Variants in KHDRBS2 observed in about 807,000 individuals in gnomAD.
KHDRBS2 encodes KH RNA binding domain containing, signal transduction associated 2.
KHDRBS2 carries 26 observed loss-of-function variants against 44.3 expected under a neutral mutation model. That is an observed-to-expected ratio of 0.59 (90% CI 0.43 to 0.81). The LOEUF (loss-of-function observed/expected upper bound fraction) is 0.81. Ranked by LOEUF, KHDRBS2 falls within the 40% of genes least tolerant of loss-of-function variation. KHDRBS2 has a pLI of 0.00. For synonymous variants in KHDRBS2, 194 were observed against 151.1 expected (o/e 1.28, Z -2.08); for missense variants, 476 against 433.1 (o/e 1.10, Z -0.88).
At chr6:61,704,290 C>A (rs536008916) in intron 7 of KHDRBS2, among the ~76,000 whole-genome samples, 1 of 151,760 alleles carries the variant, frequency 6.6e-6, no homozygotes, top group Admixed American at 6.6e-5. Flanking sequence ...AAAGGCTTCA[C>A]GGAAATTACA....
the KHDRBS2 span, among the ~76,000 whole-genome samples, chr6:61,646,210 A>G: frequency 6.6e-6 from 1 of 152,160 alleles, no homozygotes; most frequent in Non-Finnish European, 1.5e-5. Flanking sequence ...CATAATGGCA[A>G]TCTTTCTTTC....
At chr6:61,602,216 G>A in the KHDRBS2 span, among the ~76,000 whole-genome samples, 3 of 152,236 alleles carry the variant, frequency 2.0e-5, no homozygotes, top group Non-Finnish European at 2.9e-5. Context: ...CAGTAATAGA[G>A]TAGAGGCACC....
intron 6 of KHDRBS2, among the ~76,000 whole-genome samples, chr6:61,750,521 T>C (rs1311764857): frequency 3.3e-5 from 5 of 152,168 alleles, no homozygotes; most frequent in African/African-American, 7.2e-5. Context: ...TGGATTCTTA[T>C]GTACCAGCAC....
intron 3 of KHDRBS2, among the ~76,000 whole-genome samples, chr6:62,006,892 C>A (rs1309408331): frequency 6.6e-6 from 1 of 151,732 alleles, no homozygotes; most frequent in Non-Finnish European, 1.5e-5. Flanking sequence ...AAATATAAGG[C>A]AGGAGTTATT....
intron 7 of KHDRBS2, among the ~76,000 whole-genome samples, chr6:61,698,847 G>T (rs754671208): frequency 3.3e-5 from 5 of 151,876 alleles, no homozygotes; most frequent in Non-Finnish European, 5.9e-5. Context: ...TTCTCTAAAT[G>T]TCCAATTGTC....
intron 2 of KHDRBS2, among the ~76,000 whole-genome samples, chr6:62,168,014 A>T (rs1819066148): frequency 6.6e-6 from 1 of 152,172 alleles, no homozygotes; most frequent in Admixed American, 6.6e-5. Context: ...GGAAAGTTGC[A>T]ACCGAGGATG....
intron 5 of KHDRBS2, among the ~76,000 whole-genome samples, chr6:61,897,701 C>A (rs903327541): frequency 1.4e-5 from 2 of 140,858 alleles, no homozygotes; most frequent in African/African-American, 2.8e-5. Context: ...AAGACGGTTT[C>A]TCTGTCTCTG....
intron 1 of KHDRBS2, among the ~76,000 whole-genome samples, chr6:62,188,056 T>C (rs1303217298): frequency 6.6e-6 from 1 of 151,868 alleles, no homozygotes; most frequent in Non-Finnish European, 1.5e-5. Context: ...ACCAGGCTGC[T>C]TTAAACAACC....
intron 2 of KHDRBS2, among the ~76,000 whole-genome samples, chr6:62,105,372 T>C (rs1414891269): frequency 6.6e-6 from 1 of 152,204 alleles, no homozygotes; most frequent in East Asian, 1.9e-4. Flanking sequence ...AAATTTTAGT[T>C]AATAGGAACC....
chr6:61,608,605 C>A, the KHDRBS2 span, among the ~76,000 whole-genome samples: 1 of 147,762 alleles, frequency 6.8e-6, no homozygotes, highest in African/African-American at 2.5e-5. Flanking sequence ...CACCCCCCAA[C>A]AGGCCCCAGT....
At chr6:61,628,244 A>T in the KHDRBS2 span, among the ~76,000 whole-genome samples, 2 of 58,848 alleles carry the variant, frequency 3.4e-5, no homozygotes, top group African/African-American at 7.7e-5. Context: ...TTTTTTTTCA[A>T]CCTGGGCTGT....
chr6:62,248,637 C>A (rs1300546997), intron 1 of KHDRBS2, among the ~76,000 whole-genome samples: 2 of 152,032 alleles, frequency 1.3e-5, no homozygotes, highest in Non-Finnish European at 2.9e-5. Context: ...GGATTACAGT[C>A]ATGAGTCACC....
chr6:61,902,515 A>ACG (rs1562405897), intron 4 of KHDRBS2, among the ~76,000 whole-genome samples: 1 of 151,880 alleles, frequency 6.6e-6, no homozygotes, highest in Non-Finnish European at 1.5e-5. Context: ...CAACACACAC[A>ACG]CACACACACA....
intron 6 of KHDRBS2, among the ~76,000 whole-genome samples, chr6:61,742,196 T>C (rs1235374345): frequency 6.6e-6 from 1 of 151,990 alleles, no homozygotes; most frequent in Non-Finnish European, 1.5e-5. Flanking sequence ...ACAGGTCAGA[T>C]AGGAACTTAA....
Position 61,901,330 on chromosome 6 carries a change from T to A in KHDRBS2, c.525A>T (p.Leu175Phe), listed in dbSNP as rs1452740737. The part of the protein sequence containing the change: ...DEIRQEQLRE[L>F]SYLNGSEDSG... ...AGTCCTCTGAGCCATTTAAGTAAGA[T>A]AATTCACGTAGTTGTTCCTGACGAA... The change falls in exon 5 of 9, where the codon TTA (leucine) becomes TTT (phenylalanine). Residue 175 changes from leucine to phenylalanine, a missense_variant. By Grantham distance (22) the Leu-to-Phe change is conservative. Coordinates refer to ENST00000281156, the MANE Select transcript of KHDRBS2 (RefSeq NM_152688.4). 6.2e-7 allele frequency: 1 copy of A among 1,613,130 alleles called. No homozygotes were observed.
At chr6:61,781,258 C>T (rs1349353520) in intron 6 of KHDRBS2, among the ~76,000 whole-genome samples, 1 of 152,068 alleles carries the variant, frequency 6.6e-6, no homozygotes, top group Admixed American at 6.6e-5. Flanking sequence ...TAACTCTCAA[C>T]TCCATATTTA....
At chr6:61,647,595 G>A in the KHDRBS2 span, among the ~76,000 whole-genome samples, 1 of 152,020 alleles carries the variant, frequency 6.6e-6, no homozygotes, top group Non-Finnish European at 1.5e-5. Flanking sequence ...GAAATCAGGC[G>A]CTTCTCATAA....
chr6:62,216,156 G>A (rs1433041226), intron 1 of KHDRBS2, among the ~76,000 whole-genome samples: 1 of 151,534 alleles, frequency 6.6e-6, no homozygotes, highest in Non-Finnish European at 1.5e-5. Flanking sequence ...TAAAAATTTT[G>A]ATTTGACTCC....
chr6:62,139,348 C>T (rs1265441654), intron 2 of KHDRBS2, among the ~76,000 whole-genome samples: 2 of 151,936 alleles, frequency 1.3e-5, no homozygotes, highest in East Asian at 1.9e-4. Flanking sequence ...GTCAGGAGAT[C>T]GAGACCATCC....
Sources: gnomAD v4.1 joint callset for allele counts (sites outside exome capture counted in the v4.1 genomes callset) on GRCh38, gnomAD v4.1.1 for gene constraint, MANE v1.5 for transcripts, NCBI Gene and HGNC (gene_info 2026-07-23, HGNC 2026-07-21) for gene names.